Variants in RNF180 observed in about 807,000 individuals in gnomAD.
The protein encoded by RNF180 is ring finger protein 180, also known as E3 ubiquitin-protein ligase RNF180.
RNF180 carries 38 observed loss-of-function variants against 59.2 expected under a neutral mutation model. The observed-to-expected ratio is 0.64, with a 90% CI of 0.50 to 0.84. RNF180 has a LOEUF of 0.84. RNF180 is among the 40% of genes least tolerant of loss of function. The probability of loss-of-function intolerance (pLI) is 0.00; values close to 1 mark genes in which losing one functional copy is unlikely to be tolerated. For missense variants in RNF180, 705 were observed against 700.9 expected (o/e 1.01, Z -0.07); for synonymous variants, 262 against 240.3 (o/e 1.09, Z -0.84).
chr5:64,365,681 A>G (rs1302336786), intron 7 of RNF180, among the ~76,000 whole-genome samples: 1 of 151,580 alleles, frequency 6.6e-6, no homozygotes, highest in Non-Finnish European at 1.5e-5. Flanking sequence ...GGGTGCATAT[A>G]TATTTAGGTT....
intron 5 of RNF180, among the ~76,000 whole-genome samples, chr5:64,288,890 C>T (rs1257846516): frequency 6.6e-6 from 1 of 152,164 alleles, no homozygotes; most frequent in Non-Finnish European, 1.5e-5. Flanking sequence ...ATTTCTTTCT[C>T]TTGCCTGATT....
At chr5:64,317,880 A>G (rs1343942258) in intron 5 of RNF180, among the ~76,000 whole-genome samples, 1 of 152,224 alleles carries the variant, frequency 6.6e-6, no homozygotes, top group Non-Finnish European at 1.5e-5. Flanking sequence ...CCTACCTTAA[A>G]TGTGCTCAGA....
chr5:64,245,383 G>GCAAAGACA (rs1450321062), intron 5 of RNF180, among the ~76,000 whole-genome samples: 1 of 152,138 alleles, frequency 6.6e-6, no homozygotes, highest in Non-Finnish European at 1.5e-5. Context: ...AATCTCACAT[G>GCAAAGACA]CAAAGACACA....
intron 5 of RNF180, among the ~76,000 whole-genome samples, chr5:64,318,728 G>T (rs1275418604): frequency 2.0e-5 from 3 of 152,086 alleles, no homozygotes; most frequent in Non-Finnish European, 4.4e-5. Context: ...GTATCATACT[G>T]CTGGAACACA....
At chr5:64,332,505 T>A (rs1744950617) in intron 7 of RNF180, among the ~76,000 whole-genome samples, 1 of 152,204 alleles carries the variant, frequency 6.6e-6, no homozygotes, top group East Asian at 1.9e-4. Context: ...TGTTTTGATC[T>A]GTAAAATAGG....
intron 7 of RNF180, among the ~76,000 whole-genome samples, chr5:64,349,711 GT>G (rs1745712369): frequency 6.6e-6 from 1 of 152,036 alleles, no homozygotes; most frequent in Non-Finnish European, 1.5e-5. Context: ...CCTTGTGATA[GT>G]TTGCTGGGAA....
chr5:64,245,938 A>G (rs534017166), intron 5 of RNF180, among the ~76,000 whole-genome samples: 50 of 152,340 alleles, frequency 3.3e-4, no homozygotes, highest in African/African-American at 1.1e-3. Context: ...CAGTGCAATC[A>G]AATTAGAACT....
chr5:64,290,878 A>G (rs1250336113), intron 5 of RNF180, among the ~76,000 whole-genome samples: 1 of 152,052 alleles, frequency 6.6e-6, no homozygotes, highest in African/African-American at 2.4e-5. Flanking sequence ...ATTTACGTCT[A>G]AAGTTAATAT....
intron 5 of RNF180, among the ~76,000 whole-genome samples, chr5:64,315,049 C>T (rs944301710): frequency 6.6e-6 from 1 of 152,172 alleles, no homozygotes; most frequent in Non-Finnish European, 1.5e-5. Flanking sequence ...TTTACCCATG[C>T]ATGATTTTTG....
chr5:64,170,616 CTTA>C (rs1472008357), intron 1 of RNF180, among the ~76,000 whole-genome samples: 1 of 152,192 alleles, frequency 6.6e-6, no homozygotes, highest in Non-Finnish European at 1.5e-5. Flanking sequence ...GGATAAGAAT[CTTA>C]TTATGATGGA....
At chr5:64,295,850 T>C (rs1561245041) in intron 5 of RNF180, among the ~76,000 whole-genome samples, 2 of 152,198 alleles carry the variant, frequency 1.3e-5, no homozygotes, top group Non-Finnish European at 2.9e-5. Flanking sequence ...ATCTTCTATG[T>C]GTCAGGCACT....
rs1253741652 is a variant in RNF180 at position 64,369,721 on chromosome 5, C to T, written c.1686C>T (p.Asp562=). Reference sequence around the variant, plus strand: ...ATGATAGCCGTGGATGGTGGTTTGACATGGATATGGTGATCATATATATTT... The same window carrying T: ...ATGATAGCCGTGGATGGTGGTTTGATATGGATATGGTGATCATATATATTT... ...FEDDSRGWWF[D]MDMVIIYIYS... The change falls in exon 8 of 8, where the codon GAC becomes GAT. Residue 562 remains aspartate, a synonymous_variant. Transcript: ENST00000389100. The T allele has an allele frequency of 1.6e-5, 24 of 1,547,814 alleles. No homozygotes were observed. Among genetic ancestry groups the T allele is most frequent in the Non-Finnish European group, 2.1e-5 (24 of 1,144,764 alleles).
intron 5 of RNF180, among the ~76,000 whole-genome samples, chr5:64,227,142 G>A (rs1014300454): frequency 6.6e-6 from 1 of 152,216 alleles, no homozygotes; most frequent in African/African-American, 2.4e-5. Flanking sequence ...CCACAAACTA[G>A]GTGGGCAGAG....
intron 6 of RNF180, among the ~76,000 whole-genome samples, chr5:64,328,198 C>A (rs968990761): frequency 6.6e-6 from 1 of 151,736 alleles, no homozygotes; most frequent in Non-Finnish European, 1.5e-5. Context: ...AATACAATAC[C>A]ACTTTTTTGG....
At chr5:64,318,302 A>G (rs1184256345) in intron 5 of RNF180, among the ~76,000 whole-genome samples, 25 of 152,326 alleles carry the variant, frequency 1.6e-4, no homozygotes, top group Non-Finnish European at 8.8e-5. Flanking sequence ...ATACTCGCCA[A>G]TCTGATAACT....
intron 7 of RNF180, among the ~76,000 whole-genome samples, chr5:64,351,200 GCTGT>G: frequency 6.6e-6 from 1 of 151,260 alleles, no homozygotes; most frequent in African/African-American, 2.4e-5. Context: ...TCATGATTTG[GCTGT>G]TTGTCTGTTA....
chr5:64,233,797 C>T (rs1742240485), intron 5 of RNF180, among the ~76,000 whole-genome samples: 1 of 152,188 alleles, frequency 6.6e-6, no homozygotes, highest in African/African-American at 2.4e-5. Context: ...AATTCAATAA[C>T]CTTTCTGAAG....
At chr5:64,203,979 T>C (rs1751880603) in intron 2 of RNF180, among the ~76,000 whole-genome samples, 1 of 152,140 alleles carries the variant, frequency 6.6e-6, no homozygotes, top group African/African-American at 2.4e-5. Context: ...TGCTGAAAGG[T>C]TGCTAAATTT....
intron 7 of RNF180, among the ~76,000 whole-genome samples, chr5:64,360,798 G>T (rs1240613024): frequency 6.6e-6 from 1 of 151,676 alleles, no homozygotes; most frequent in Non-Finnish European, 1.5e-5. Flanking sequence ...GTTACTCACA[G>T]CGGTAGCCAG....
Sources: allele counts gnomAD v4.1 joint callset (sites outside exome capture counted in the v4.1 genomes callset), GRCh38; gene constraint gnomAD v4.1.1; transcripts MANE v1.5; gene names NCBI Gene and HGNC (gene_info 2026-07-23, HGNC 2026-07-21).